PTPN4: variants seen among roughly 807,000 people sequenced by gnomAD.
PTPN4 encodes protein tyrosine phosphatase non-receptor type 4, also known as tyrosine-protein phosphatase non-receptor type 4.
PTPN4 carries 49 observed loss-of-function variants against 135.5 expected under a neutral mutation model. The observed-to-expected ratio is 0.36, with a 90% CI of 0.29 to 0.46. The LOEUF (loss-of-function observed/expected upper bound fraction) is 0.46, where lower values mean the gene tolerates loss of function less well. Among genes scored for constraint, PTPN4 ranks in the 20% least tolerant of loss-of-function variants. PTPN4 has a pLI of 1.00. For synonymous variants in PTPN4, 333 were observed against 369.9 expected, an observed-to-expected ratio of 0.90 and a Z score of 1.14; for missense variants, 860 against 1,101.0, an observed-to-expected ratio of 0.78 and a Z score of 3.10.
chr2:119,891,737 T>G (rs1029235239), intron 9 of PTPN4, among the ~76,000 whole-genome samples: 2 of 152,240 alleles, frequency 1.3e-5, no homozygotes, highest in African/African-American at 4.8e-5. Context: ...TCACAGACCT[T>G]TCAAGTCAAT....
chr2:119,769,107 G>A (rs149222779), intron 1 of PTPN4, among the ~76,000 whole-genome samples: 2,559 of 152,296 alleles, frequency 0.017, 42 homozygotes, highest in Non-Finnish European at 0.027. Flanking sequence ...GAGGCACACT[G>A]ACAGAGCTCC....
chr2:119,766,086 T>C (rs1574321375), intron 1 of PTPN4, among the ~76,000 whole-genome samples: 2 of 152,222 alleles, frequency 1.3e-5, no homozygotes, highest in African/African-American at 4.8e-5. Flanking sequence ...GAGAGCAAGA[T>C]ACCCTTGTTT....
intron 9 of PTPN4, among the ~76,000 whole-genome samples, chr2:119,895,239 C>T (rs964429517): frequency 6.6e-6 from 1 of 152,034 alleles, no homozygotes; most frequent in African/African-American, 2.4e-5. Context: ...CTGTCTCCAC[C>T]GTGTAAAATT....
chr2:119,846,307 T>C (rs140929187), intron 2 of PTPN4, among the ~76,000 whole-genome samples: 8 of 152,344 alleles, frequency 5.3e-5, no homozygotes, highest in African/African-American at 1.7e-4. Flanking sequence ...TCTCCAACCA[T>C]TATTGAATTG....
At chr2:119,877,652 GT>G (rs1432516601) in intron 5 of PTPN4, 110 bp downstream of exon 5, 2 of 1,340,316 alleles carry the variant, frequency 1.5e-6, no homozygotes, top group African/African-American at 1.5e-5. Flanking sequence ...GAGCTTTCCA[GT>G]CAGTACACAG....
rs1475079025 is a variant in PTPN4 at position 119,981,914 on chromosome 2, TATAATC to T, written c.*4850_*4855del. ...GTAGTATGCTATTGATTTCTGAAGTTATAATCATAATTTTTATTTTAGTAATCCAAG... is the reference window on the plus strand; with the variant it reads ...GTAGTATGCTATTGATTTCTGAAGTTATAATTTTTATTTTAGTAATCCAAG... On this transcript the variant is annotated 3_prime_UTR_variant, in exon 27 of 27. Coordinates refer to ENST00000263708, the MANE Select transcript of PTPN4 (RefSeq NM_002830.4). 1.4e-4 allele frequency: 21 copies of T among 152,202 alleles called. No homozygotes were observed. The highest frequency in any genetic ancestry group is 2.6e-4 in the Non-Finnish European group (18 of 68,016). 9.4% of individuals were successfully genotyped at this position (152,202 alleles called of 1,614,324 possible).
intron 22 of PTPN4, among the ~76,000 whole-genome samples, chr2:119,960,074 A>G (rs1351954868): frequency 6.6e-6 from 1 of 152,204 alleles, no homozygotes; most frequent in Non-Finnish European, 1.5e-5. Flanking sequence ...TATGTTGTAT[A>G]TAGAATATCC....
intron 2 of PTPN4, among the ~76,000 whole-genome samples, chr2:119,858,211 G>C (rs1431879330): frequency 6.6e-6 from 1 of 152,192 alleles, no homozygotes; most frequent in Non-Finnish European, 1.5e-5. Context: ...CCCAGTCTCA[G>C]ATATTTATTT....
intron 2 of PTPN4, among the ~76,000 whole-genome samples, chr2:119,845,603 CTT>C (rs1403389149): frequency 1.1e-4 from 16 of 151,856 alleles, no homozygotes; most frequent in East Asian, 3.9e-4. Context: ...ACTTTTTACT[CTT>C]TTTTTGTTCT....
chr2:119,778,520 A>G (rs1194446059), intron 1 of PTPN4, among the ~76,000 whole-genome samples: 3 of 152,214 alleles, frequency 2.0e-5, no homozygotes, highest in Non-Finnish European at 4.4e-5. Flanking sequence ...AAACAGGTAT[A>G]TTGAAGGCAT....
chr2:119,885,696 A>C, intron 8 of PTPN4, 99 bp from the exon 9 acceptor site: 1 of 767,900 alleles, frequency 1.3e-6, no homozygotes, highest in African/African-American at 2.1e-5. Context: ...ATTTAATTAG[A>C]CTGCTCAGTT....
rs1224175108 is a variant in PTPN4 at position 119,978,385 on chromosome 2, T to A, written c.*1315T>A. The A allele has an allele frequency of 2.0e-5, 3 of 151,964 alleles. No individual in the cohort carries two copies. Among genetic ancestry groups the A allele is most frequent in the Non-Finnish European group, 4.4e-5 (3 of 67,970 alleles). The allele number at this position is 151,964 out of a possible 1,614,324, so 9.4% of individuals were successfully genotyped here. ...AAACGAAGAATGAAACATTATTGAC[T>A]TATTTCTAAGTGTAATAACTCAATA... On this transcript the variant is annotated 3_prime_UTR_variant, in exon 27 of 27. Transcript: ENST00000263708.
intron 1 of PTPN4, among the ~76,000 whole-genome samples, chr2:119,761,432 G>C (rs1293419716): frequency 6.6e-6 from 1 of 152,080 alleles, no homozygotes; most frequent in Non-Finnish European, 1.5e-5. Flanking sequence ...ATGGAATAGA[G>C]CTAGGTATAT....
chr2:119,802,929 G>T (rs1691401845), intron 1 of PTPN4, among the ~76,000 whole-genome samples: 1 of 152,102 alleles, frequency 6.6e-6, no homozygotes, highest in Non-Finnish European at 1.5e-5. Flanking sequence ...CATATTGGCT[G>T]AATTTTGGCA....
intron 22 of PTPN4, among the ~76,000 whole-genome samples, chr2:119,958,766 A>T (rs1279919728): frequency 2.6e-5 from 4 of 152,214 alleles, no homozygotes; most frequent in African/African-American, 9.6e-5. Context: ...TTTATTTAAT[A>T]TATAGTGCTG....
intron 2 of PTPN4, among the ~76,000 whole-genome samples, chr2:119,829,847 T>G (rs1352648494): frequency 6.6e-6 from 1 of 152,224 alleles, no homozygotes; most frequent in East Asian, 1.9e-4. Context: ...GGAGCATTTC[T>G]GGATCACGTG....
intron 14 of PTPN4, 92 bp downstream of exon 14, chr2:119,932,641 G>T: frequency 1.5e-6 from 2 of 1,368,386 alleles, no homozygotes; most frequent in Non-Finnish European, 2.0e-6. Context: ...ACAAAGATAC[G>T]CAAAAATTGA....
intron 15 of PTPN4, among the ~76,000 whole-genome samples, chr2:119,937,719 T>C (rs1679003877): frequency 6.6e-6 from 1 of 152,220 alleles, no homozygotes. Flanking sequence ...GCTACCAGCA[T>C]AGTACACTCG....
At chr2:119,823,989 T>C (rs1677108773) in intron 2 of PTPN4, among the ~76,000 whole-genome samples, 2 of 152,226 alleles carry the variant, frequency 1.3e-5, no homozygotes, top group South Asian at 4.1e-4. Flanking sequence ...CTTTTTGATA[T>C]GTTGTCTTTT....
Sources: allele counts gnomAD v4.1 joint callset (sites outside exome capture counted in the v4.1 genomes callset), GRCh38; gene constraint gnomAD v4.1.1; transcripts MANE v1.5; gene names NCBI Gene and HGNC (gene_info 2026-07-23, HGNC 2026-07-21).